The following PLCL1 variants were observed in gnomAD, a reference collection of about 807,000 sequenced individuals.
PLCL1 encodes inactive phospholipase C-like protein 1.
A neutral mutation model predicts 84.4 loss-of-function variants in PLCL1; 41 were observed. The observed-to-expected ratio is 0.49, with a 90% CI of 0.38 to 0.63. PLCL1 has a LOEUF of 0.63. Among genes scored for constraint, PLCL1 ranks in the 30% least tolerant of loss-of-function variants. PLCL1 has a pLI of 0.00. For synonymous variants in PLCL1, 490 were observed against 488.3 expected, an observed-to-expected ratio of 1.00 and a Z score of -0.05; for missense variants, 1,206 against 1,367.8, an observed-to-expected ratio of 0.88 and a Z score of 1.87.
At chr2:197,967,743 A>G (rs1478519886) in intron 1 of PLCL1, among the ~76,000 whole-genome samples, 2 of 152,216 alleles carry the variant, frequency 1.3e-5, no homozygotes, top group African/African-American at 4.8e-5. Flanking sequence ...GTTTATTTTT[A>G]TTATCAATAA....
At chr2:197,894,000 G>T (rs2105728944) in intron 1 of PLCL1, among the ~76,000 whole-genome samples, 1 of 151,974 alleles carries the variant, frequency 6.6e-6, no homozygotes, top group South Asian at 2.1e-4. Flanking sequence ...TCTGGGAGAA[G>T]GGTGATGGAG....
intron 1 of PLCL1, among the ~76,000 whole-genome samples, chr2:197,954,693 A>T (rs1423091387): frequency 6.6e-6 from 1 of 152,064 alleles, no homozygotes. Flanking sequence ...ACTGACTTCT[A>T]TGAATTTCAC....
At chr2:197,962,718 A>G (rs972492926) in intron 1 of PLCL1, among the ~76,000 whole-genome samples, 2 of 151,938 alleles carry the variant, frequency 1.3e-5, no homozygotes, top group African/African-American at 4.8e-5. Context: ...GTACCCATTA[A>G]TCATCCCCAC....
intron 1 of PLCL1, among the ~76,000 whole-genome samples, chr2:197,846,970 G>A (rs1687130109): frequency 6.6e-6 from 1 of 152,124 alleles, no homozygotes; most frequent in Non-Finnish European, 1.5e-5. Flanking sequence ...TTATAACTAT[G>A]AAGTAGTAGG....
chr2:197,974,867 C>T (rs927602027), intron 1 of PLCL1, among the ~76,000 whole-genome samples: 5 of 152,174 alleles, frequency 3.3e-5, no homozygotes, highest in Admixed American at 6.5e-5. Context: ...CTTGGCCGGG[C>T]GCAGTGGCTC....
At chr2:198,010,642 T>C (rs1357001037) in intron 1 of PLCL1, among the ~76,000 whole-genome samples, 1 of 151,922 alleles carries the variant, frequency 6.6e-6, no homozygotes, top group Admixed American at 6.6e-5. Flanking sequence ...CTGGTTTTGG[T>C]ATTAGGATAA....
intron 1 of PLCL1, among the ~76,000 whole-genome samples, chr2:197,847,130 G>C (rs916564577): frequency 4.6e-5 from 7 of 152,060 alleles, no homozygotes; most frequent in Admixed American, 2.6e-4. Flanking sequence ...TGACGGAGGA[G>C]TGTTTACTGT....
intron 1 of PLCL1, among the ~76,000 whole-genome samples, chr2:198,061,639 GC>G (rs1692204196): frequency 1.3e-5 from 2 of 152,036 alleles, no homozygotes; most frequent in Admixed American, 1.3e-4. Flanking sequence ...TCGCTCTGTC[GC>G]CCAGGCTGGA....
chr2:197,875,425 G>T (rs777109411), intron 1 of PLCL1, among the ~76,000 whole-genome samples: 3 of 152,076 alleles, frequency 2.0e-5, no homozygotes, highest in Non-Finnish European at 2.9e-5. Context: ...GGAGGAAGAG[G>T]GTAGTGATTG....
At chr2:197,889,769 G>A (rs1195525586) in intron 1 of PLCL1, among the ~76,000 whole-genome samples, 1 of 151,992 alleles carries the variant, frequency 6.6e-6, no homozygotes, top group Non-Finnish European at 1.5e-5. Flanking sequence ...TTAAAATTAA[G>A]GAAATAAATA....
intron 1 of PLCL1, among the ~76,000 whole-genome samples, chr2:198,020,818 T>C (rs1186376581): frequency 6.6e-6 from 1 of 152,128 alleles, no homozygotes; most frequent in Non-Finnish European, 1.5e-5. Flanking sequence ...AACATCCACC[T>C]GCCAATATTC....
intron 5 of PLCL1, among the ~76,000 whole-genome samples, chr2:198,110,166 G>A (rs987270690): frequency 7.9e-5 from 12 of 151,798 alleles, no homozygotes; most frequent in African/African-American, 2.7e-4. Context: ...TTCCTGGATA[G>A]ATTTCCAACT....
At chr2:198,134,738 G>A (rs578247630) in intron 5 of PLCL1, among the ~76,000 whole-genome samples, 3 of 152,298 alleles carry the variant, frequency 2.0e-5, no homozygotes, top group South Asian at 2.1e-4. Flanking sequence ...TGCCATGCAC[G>A]TAGAAGGCAG....
At chr2:198,068,098 G>T (rs1355689203) in intron 1 of PLCL1, among the ~76,000 whole-genome samples, 1 of 152,114 alleles carries the variant, frequency 6.6e-6, no homozygotes, top group Non-Finnish European at 1.5e-5. Context: ...GAGGTGTCAA[G>T]TATTTTTTTT....
intron 1 of PLCL1, among the ~76,000 whole-genome samples, chr2:198,072,062 T>C (rs1402256913): frequency 6.6e-6 from 1 of 151,958 alleles, no homozygotes; most frequent in East Asian, 1.9e-4. Flanking sequence ...ATTGTATTTG[T>C]CTGCTAATTA....
chr2:197,931,679 CCCA>C (rs745658533), intron 1 of PLCL1, among the ~76,000 whole-genome samples: 23,171 of 94,752 alleles, frequency 0.24, 1,662 homozygotes, highest in Middle Eastern at 0.33. Context: ...CAACCAACCA[CCCA>C]CCCACCCACC....
intron 1 of PLCL1, among the ~76,000 whole-genome samples, chr2:197,913,652 G>A (rs1161757949): frequency 6.6e-6 from 1 of 152,178 alleles, no homozygotes. Context: ...TAAACTTGAG[G>A]AAGTCTCAAA....
In PLCL1 at chr2:197,805,981, C is replaced by G. The variant is rs1686026369; in HGVS notation, c.240+642C>G. On this transcript the variant is annotated intron_variant, in intron 1 of 5. Transcript: ENST00000428675. The surrounding 1 kb of genome is among the most constrained non-coding windows in gnomAD (Gnocchi z 4.0). ...CATCCAGGGAAAACGCTTCCTGACC[C>G]GCTAATCACCTCACAGAATTTCTCT... Among the ~76,000 whole-genome samples the G allele has an allele frequency of 6.6e-6, 1 of 152,192 alleles. No individual in the cohort carries two copies. Among genetic ancestry groups the G allele is most frequent in the Non-Finnish European group, 1.5e-5 (1 of 68,036 alleles).
chr2:197,950,736 C>T (rs1279599742), intron 1 of PLCL1, among the ~76,000 whole-genome samples: 1 of 152,084 alleles, frequency 6.6e-6, no homozygotes, highest in African/African-American at 2.4e-5. Context: ...TTTGCTACTT[C>T]AGATTTTACT....
Sources: allele counts gnomAD v4.1 joint callset (sites outside exome capture counted in the v4.1 genomes callset), GRCh38; gene constraint gnomAD v4.1.1; non-coding constraint Gnocchi (gnomAD v3.1); transcripts MANE v1.5; gene names NCBI Gene and HGNC (gene_info 2026-07-23, HGNC 2026-07-21).